SPAG16: variants seen among roughly 807,000 people sequenced by gnomAD.
The protein encoded by SPAG16 is sperm associated antigen 16.
In SPAG16, 86 loss-of-function variants were observed where a neutral mutation model predicts 80.4. The observed-to-expected ratio is 1.07, with a 90% confidence interval of 0.90 to 1.28. The LOEUF is 1.28. Ranked by LOEUF, SPAG16 falls within the 50% of genes most tolerant of loss-of-function variation. The probability of loss-of-function intolerance (pLI) is 0.00; values close to 1 mark genes in which losing one functional copy is unlikely to be tolerated. For missense variants in SPAG16, 870 were observed against 765.3 expected (o/e 1.14, Z -1.61); for synonymous variants, 294 against 265.9 (o/e 1.11, Z -1.03).
intron 10 of SPAG16, among the ~76,000 whole-genome samples, chr2:213,687,518 C>T (rs939046975): frequency 6.6e-6 from 1 of 151,990 alleles, no homozygotes; most frequent in Non-Finnish European, 1.5e-5. Flanking sequence ...AAATGATATT[C>T]TTCCAGGTTA....
chr2:214,207,812 A>G (rs2058186020), intron 15 of SPAG16, among the ~76,000 whole-genome samples: 1 of 152,182 alleles, frequency 6.6e-6, no homozygotes. Context: ...AAGGTATGAC[A>G]AGCTGGCTTG....
chr2:213,635,390 C>CT (rs1201345329), intron 10 of SPAG16, among the ~76,000 whole-genome samples: 2 of 152,146 alleles, frequency 1.3e-5, no homozygotes, highest in Non-Finnish European at 2.9e-5. Context: ...GTGCAAGTGT[C>CT]TTTTTCATTT....
intron 15 of SPAG16, among the ~76,000 whole-genome samples, chr2:214,181,866 C>T (rs1457768960): frequency 6.6e-6 from 1 of 151,736 alleles, no homozygotes; most frequent in Middle Eastern, 3.2e-3. Context: ...TCTACCATGC[C>T]TCTTGCATCA....
chr2:214,216,524 G>A (rs796967125), intron 15 of SPAG16, among the ~76,000 whole-genome samples: 13 of 152,272 alleles, frequency 8.5e-5, no homozygotes, highest in African/African-American at 3.1e-4. Flanking sequence ...GTTCCACCGT[G>A]TTGGCCAAAA....
intron 11 of SPAG16, among the ~76,000 whole-genome samples, chr2:213,875,315 A>T (rs954315270): frequency 1.3e-5 from 2 of 152,110 alleles, no homozygotes; most frequent in African/African-American, 4.8e-5. Flanking sequence ...AAGTAAGCAG[A>T]AGAATTAAGA....
chr2:214,247,300 A>C (rs1206573928), intron 15 of SPAG16, among the ~76,000 whole-genome samples: 4 of 152,144 alleles, frequency 2.6e-5, no homozygotes, highest in Non-Finnish European at 5.9e-5. Flanking sequence ...TTTTTTCCAA[A>C]AAAAAAGAAT....
At chr2:213,313,289 A>G (rs1418780696) in intron 4 of SPAG16, among the ~76,000 whole-genome samples, 1 of 151,938 alleles carries the variant, frequency 6.6e-6, no homozygotes, top group Non-Finnish European at 1.5e-5. Context: ...TTAAAACAAA[A>G]TTAATAACAT....
intron 10 of SPAG16, among the ~76,000 whole-genome samples, chr2:213,608,146 C>T (rs2061326972): frequency 6.6e-6 from 1 of 151,976 alleles, no homozygotes; most frequent in African/African-American, 2.4e-5. Context: ...GTGTTCACAA[C>T]CATGATAGAT....
intron 10 of SPAG16, among the ~76,000 whole-genome samples, chr2:213,679,266 A>AT (rs34600511): frequency 8.3e-4 from 126 of 152,284 alleles, no homozygotes; most frequent in Middle Eastern, 3.4e-3. Flanking sequence ...TGAGAAAAAC[A>AT]TTTTTACTTA....
At chr2:213,296,975 C>T (rs1280443128) in intron 2 of SPAG16, 5 of 999,438 alleles carry the variant, frequency 5.0e-6, no homozygotes, top group Non-Finnish European at 6.6e-6. Flanking sequence ...TTTAGATAGC[C>T]TTATTATTTT....
At chr2:214,257,362 CTT>C (rs1440280505) in intron 15 of SPAG16, among the ~76,000 whole-genome samples, 2 of 151,892 alleles carry the variant, frequency 1.3e-5, no homozygotes, top group African/African-American at 4.8e-5. Flanking sequence ...CTTGTTGTGA[CTT>C]TATTTATTTC....
intron 10 of SPAG16, among the ~76,000 whole-genome samples, chr2:213,770,008 G>A (rs1016162296): frequency 6.6e-6 from 1 of 152,268 alleles, no homozygotes; most frequent in South Asian, 2.1e-4. Context: ...AATATGTACT[G>A]TTTTGTCCCT....
chr2:213,501,684 G>A (rs1309227594), intron 10 of SPAG16, among the ~76,000 whole-genome samples: 1 of 152,120 alleles, frequency 6.6e-6, no homozygotes, highest in Admixed American at 6.5e-5. Flanking sequence ...GTACATTTAA[G>A]TCTAGTTGTT....
At chr2:213,298,321 C>G (rs1274650813) in intron 3 of SPAG16, among the ~76,000 whole-genome samples, 3 of 152,146 alleles carry the variant, frequency 2.0e-5, no homozygotes, top group African/African-American at 7.2e-5. Flanking sequence ...ATTCCATAGA[C>G]TTAGTCTGTT....
intron 10 of SPAG16, among the ~76,000 whole-genome samples, chr2:213,718,728 C>T (rs1417354898): frequency 1.3e-5 from 2 of 152,296 alleles, no homozygotes; most frequent in African/African-American, 2.4e-5. Flanking sequence ...TGCCTTCCCG[C>T]GGGGCAGGGC....
intron 9 of SPAG16, among the ~76,000 whole-genome samples, chr2:213,401,361 TTTTG>T (rs1444516557): frequency 6.6e-6 from 1 of 152,276 alleles, no homozygotes; most frequent in African/African-American, 2.4e-5. Context: ...TGTCTACTCA[TTTTG>T]TTTATTTCCG....
intron 11 of SPAG16, among the ~76,000 whole-genome samples, chr2:213,923,272 A>G (rs1478255281): frequency 6.6e-6 from 1 of 152,176 alleles, no homozygotes; most frequent in Non-Finnish European, 1.5e-5. Context: ...TTCCCACAGA[A>G]GTGGAACTGC....
At chr2:213,818,230 C>T (rs1359864060) in intron 10 of SPAG16, among the ~76,000 whole-genome samples, 1 of 152,176 alleles carries the variant, frequency 6.6e-6, no homozygotes, top group Non-Finnish European at 1.5e-5. Flanking sequence ...GTAGATCTTT[C>T]ATCAGTTCTT....
rs1350357541 is a variant in SPAG16, at chr2:214,395,298, T to A, written c.1721-14842T>A. Among the ~76,000 whole-genome samples, 7 of 152,334 alleles carry A rather than the reference T, an allele frequency of 4.6e-5. No individual in the cohort carries two copies. The East Asian group carries it at 1.4e-3, about 29-fold the overall frequency. ...TAAACTGCTAAACCATCTTCCAAAG[T>A]AGCTGTAACATTTTGCATCCTCACC... On this transcript the variant is annotated intron_variant, in intron 15 of 15. Transcript: ENST00000331683.
Sources: gnomAD v4.1 joint callset for allele counts (sites outside exome capture counted in the v4.1 genomes callset) on GRCh38, gnomAD v4.1.1 for gene constraint, MANE v1.5 for transcripts, NCBI Gene and HGNC (gene_info 2026-07-23, HGNC 2026-07-21) for gene names.